MATN1: variants seen among roughly 807,000 people sequenced by gnomAD.
MATN1 encodes matrilin 1.
A neutral mutation model predicts 41.3 loss-of-function variants in MATN1; 34 were observed. That is an observed-to-expected ratio of 0.82 (90% CI 0.63 to 1.10). The LOEUF (loss-of-function observed/expected upper bound fraction) is 1.10, where lower values mean the gene tolerates loss of function less well. Ranked by LOEUF, MATN1 falls within the 50% of genes least tolerant of loss-of-function variation. The pLI is 0.00. For missense variants in MATN1, 602 were observed against 662.4 expected, an observed-to-expected ratio of 0.91 and a Z score of 1.00; for synonymous variants, 264 against 278.7, an observed-to-expected ratio of 0.95 and a Z score of 0.53.
At position 30,718,735 on chromosome 1, in the gene MATN1, C is replaced by G. The variant is rs765756099; in HGVS notation, c.664G>C (p.Val222Leu). The change falls in exon 3 of 8, where the codon GTG (valine) becomes CTG (leucine). Residue 222 changes from valine (V) to leucine (L), a missense_variant and splice_region_variant. By Grantham distance (32) the Val-to-Leu change is conservative. Transcript: ENST00000373765. ...LSRKFQEAFC[V>L]VSDLCATGDH... Reference sequence around the variant, plus strand: ...GCTCCGCCCCCGCCTGCCCGCGCACCGCAGAAGGCCTCCTGGAACTTCCTG... The same window carrying G: ...GCTCCGCCCCCGCCTGCCCGCGCACGGCAGAAGGCCTCCTGGAACTTCCTG... The G allele has an allele frequency of 1.2e-5, 19 of 1,578,916 alleles. No homozygotes were observed. The highest frequency in any genetic ancestry group is 1.4e-5 in the Non-Finnish European group (16 of 1,159,180).
At chr1:30,715,800 T>C (rs759780004) in intron 5 of MATN1, 109 bp downstream of exon 5, 12 of 1,136,298 alleles carry the variant, frequency 1.1e-5, no homozygotes, top group Non-Finnish European at 1.5e-5. Context: ...CAAACTCACC[T>C]GGGTTTAGGG....
chr1:30,716,657 TA>T, intron 4 of MATN1, 132 bp downstream of exon 4: 1 of 1,304,830 alleles, frequency 7.7e-7, no homozygotes, highest in Non-Finnish European at 1.0e-6. Flanking sequence ...TACCAAACTC[TA>T]AAAGGCATCT....
Position 30,713,479 on chromosome 1 carries a change from C to A in MATN1, c.*103G>T. The A allele has an allele frequency of 8.4e-7, 1 of 1,194,452 alleles. No individual in the cohort carries two copies. The allele number at this position is 1,194,452 out of a possible 1,614,324, so 74.0% of individuals were successfully genotyped here. A position where few individuals can be genotyped will look rare whatever the true frequency, so the allele number is the denominator to read the frequency against. On this transcript the variant is annotated 3_prime_UTR_variant, in exon 8 of 8. Transcript: ENST00000373765. ...CACGCTCTCAATAGGCACACCCAGA[C>A]ACACCCCCTCCCACCCCCGGGCTGG... is the stretch of plus-strand genomic sequence containing the variant.
At chr1:30,717,953 A>G (rs939424554) in intron 3 of MATN1, among the ~76,000 whole-genome samples, 1 of 152,068 alleles carries the variant, frequency 6.6e-6, no homozygotes, top group African/African-American at 2.4e-5. Context: ...GCGCCCGGCC[A>G]TAAAAGGACT....
In MATN1 at chr1:30,711,985, G is replaced by A. The variant is rs1239318615; in HGVS notation, c.*1597C>T. 2.0e-5 allele frequency: 3 copies of A among 152,562 alleles called. No individual in the cohort carries two copies. The highest frequency in any genetic ancestry group is 3.8e-4 in the East Asian group (2 of 5,198). 9.5% of individuals were successfully genotyped at this position (152,562 alleles called of 1,614,324 possible). A position where few individuals can be genotyped will look rare whatever the true frequency, so the allele number is the denominator to read the frequency against. ...AGGTCATGGGGGCGAGGGTGGCTGT[G>A]CCCCAGTTAAGTCGCGCTTGTGTAT... On this transcript the variant is annotated 3_prime_UTR_variant, in exon 8 of 8. Transcript: ENST00000373765.
chr1:30,715,896 A>T lies in MATN1; in HGVS notation c.1207+13T>A, dbSNP rs200574003. The stretch of plus-strand genomic sequence containing the variant: ...CATCAGTGGTGTCCAGGGTCCAGGC[A>T]GGCAACACCTACCGAGGTCTTTGGC... On this transcript the variant is annotated intron_variant, in intron 5 of 7. Transcript: ENST00000373765. The T allele has an allele frequency of 8.1e-5, 130 of 1,605,978 alleles. No homozygotes were observed. The highest frequency in any genetic ancestry group is 9.6e-5 in the Non-Finnish European group (113 of 1,174,720).
intron 3 of MATN1, among the ~76,000 whole-genome samples, chr1:30,717,641 G>GTT (rs1557450696): frequency 6.6e-5 from 9 of 136,844 alleles, no homozygotes; most frequent in African/African-American, 2.7e-4. Context: ...TTGTGTGTGC[G>GTT]GTTTTTTTTT....
chr1:30,721,002 T>C (rs1183418933), intron 2 of MATN1: 2 of 186,020 alleles, frequency 1.1e-5, no homozygotes, highest in Non-Finnish European at 2.2e-5. Flanking sequence ...ACCAGTGACA[T>C]GACGTCACTT....
At position 30,713,216 on chromosome 1, in the gene MATN1, TC is replaced by T. The variant is rs1260822549; in HGVS notation, c.*365del. 5.5e-5 allele frequency: 13 copies of T among 237,784 alleles called. No individual in the cohort carries two copies. Among genetic ancestry groups the T allele is most frequent in the Non-Finnish European group, 9.3e-5 (11 of 118,680 alleles). 14.7% of individuals were successfully genotyped at this position (237,784 alleles called of 1,614,324 possible). ...AGAATAGAGAAATCAGTAAAGAAAT[TC>T]ACAGCACTCAGAGTCAAGAAAGGGT... On this transcript the variant is annotated 3_prime_UTR_variant, in exon 8 of 8. Transcript: ENST00000373765.
At position 30,718,936 on chromosome 1, in the gene MATN1, C is replaced by G. The variant is rs532842678; in HGVS notation, c.463G>C (p.Gly155Arg). 3.3e-6 allele frequency: 5 copies of G among 1,520,514 alleles called. No homozygotes were observed. Among genetic ancestry groups the G allele is most frequent in the East Asian group, 2.5e-5 (1 of 39,374 alleles). 94.2% of individuals were successfully genotyped at this position (1,520,514 alleles called of 1,614,324 possible). A position where few individuals can be genotyped will look rare whatever the true frequency, so the allele number is the denominator to read the frequency against. ...TCCTGCACGCTGTCCTGGGGCCTCC[C>G]GTCTGTCACCACGATGACCACCTGC... Reference protein sequence around the residue: ...ISKVVIVVTDGRPQDSVQDVS... With the variant: ...ISKVVIVVTDRRPQDSVQDVS... The change falls in exon 3 of 8, where the codon GGG becomes CGG. Residue 155 changes from glycine (G) to arginine (R), a missense_variant. Physicochemically the swap from Gly to Arg is moderately radical, Grantham distance 125 (BLOSUM62 -2). Coordinates refer to ENST00000373765, the MANE Select transcript of MATN1 (RefSeq NM_002379.3).
intron 1 of MATN1, among the ~76,000 whole-genome samples, chr1:30,722,850 G>A (rs1045537988): frequency 5.9e-5 from 9 of 152,142 alleles, no homozygotes; most frequent in Non-Finnish European, 8.8e-5. Context: ...CTGTCTACTC[G>A]CTAAGGCTAC....
chr1:30,714,185 C>T, intron 7 of MATN1, 62 bp downstream of exon 7: 1 of 1,374,228 alleles, frequency 7.3e-7, no homozygotes, highest in Non-Finnish European at 1.0e-6. Context: ...GGCCATGCCC[C>T]CGCCTCCCCC....
In MATN1 at chr1:30,713,327, C is replaced by T; in HGVS notation, c.*255G>A. On this transcript the variant is annotated 3_prime_UTR_variant, in exon 8 of 8. Transcript: ENST00000373765. ...TCTCACACTCACCCCTGCATTATCA[C>T]TCTCACACTCACATTCTGGCAAGAC... The T allele has an allele frequency of 1.8e-6, 1 of 548,820 alleles. No individual in the cohort carries two copies. The highest frequency in any genetic ancestry group is 3.3e-6 in the Non-Finnish European group (1 of 303,178). 34.0% of individuals were successfully genotyped at this position (548,820 alleles called of 1,614,324 possible).
intron 2 of MATN1, chr1:30,719,495 G>A (rs2124158247): frequency 6.5e-6 from 1 of 154,138 alleles, no homozygotes; most frequent in South Asian, 2.0e-4. Context: ...ACCGACGGAG[G>A]GCCACTCCCA....
At chr1:30,718,032 C>A (rs1409337277) in intron 3 of MATN1, among the ~76,000 whole-genome samples, 1 of 152,242 alleles carries the variant, frequency 6.6e-6, no homozygotes, top group African/African-American at 2.4e-5. Flanking sequence ...CAGGCTCCGC[C>A]CCAGCTACGG....
At chr1:30,716,366 A>T in intron 4 of MATN1, 41 bp from the exon 5 acceptor site, 1 of 1,587,042 alleles carries the variant, frequency 6.3e-7, no homozygotes, top group Non-Finnish European at 8.6e-7. Context: ...GCTGAAGGAC[A>T]TAGTCAACCA....
At chr1:30,713,882 G>A (rs41301078) in intron 7 of MATN1, 8,616 of 590,832 alleles carry the variant, frequency 0.015, 81 homozygotes, top group Non-Finnish European at 0.02. Flanking sequence ...GGCTGAGCCA[G>A]GGGAACTGTC....
At chr1:30,723,324 G>A in intron 1 of MATN1, 134 bp downstream of exon 1, 1 of 619,576 alleles carries the variant, frequency 1.6e-6, no homozygotes, top group South Asian at 2.5e-5. Context: ...CCAGCCCACT[G>A]CCCACCACTG....
At chr1:30,713,814 G>A (rs1458722400) in intron 7 of MATN1, 183 bp from the exon 8 acceptor site, 22 of 641,972 alleles carry the variant, frequency 3.4e-5, no homozygotes, top group Non-Finnish European at 1.4e-5. Context: ...TGTGAGCCAC[G>A]AGTGCCCAGC....
Sources: gnomAD v4.1 joint callset for allele counts (sites outside exome capture counted in the v4.1 genomes callset) on GRCh38, gnomAD v4.1.1 for gene constraint, MANE v1.5 for transcripts, NCBI Gene and HGNC (gene_info 2026-07-23, HGNC 2026-07-21) for gene names.